The following NEGR1 variants were observed in gnomAD, a reference collection of about 807,000 sequenced individuals.
NEGR1 encodes IgLON family member 4.
In NEGR1, 10 loss-of-function variants were observed where a neutral mutation model predicts 40.9. The ratio of observed to expected loss-of-function variants is 0.24; its 90% confidence interval spans 0.15 to 0.42. The LOEUF (loss-of-function observed/expected upper bound fraction) is 0.42. NEGR1 is among the 10% of genes least tolerant of loss of function. NEGR1 has a pLI of 1.00. For missense variants in NEGR1, 352 were observed against 438.9 expected, an observed-to-expected ratio of 0.80 and a Z score of 1.77; for synonymous variants, 185 against 166.8, an observed-to-expected ratio of 1.11 and a Z score of -0.84.
At chr1:72,115,357 G>T (rs968417615) in intron 1 of NEGR1, among the ~76,000 whole-genome samples, 2 of 151,578 alleles carry the variant, frequency 1.3e-5, no homozygotes, top group African/African-American at 4.8e-5. Flanking sequence ...CTTTTATACT[G>T]GTGTTCAATA....
intron 1 of NEGR1, among the ~76,000 whole-genome samples, chr1:72,123,631 C>T (rs1014128689): frequency 2.6e-5 from 4 of 151,658 alleles, no homozygotes; most frequent in Admixed American, 1.3e-4. Context: ...TAGAAAAGCT[C>T]TGTGGGAGGA....
At chr1:72,267,049 A>T (rs908615642) in intron 1 of NEGR1, among the ~76,000 whole-genome samples, 4 of 151,030 alleles carry the variant, frequency 2.6e-5, no homozygotes, top group African/African-American at 9.7e-5. Flanking sequence ...TAATATTTCT[A>T]AAAATCTTAC....
chr1:71,853,275 C>T (rs189146593), intron 2 of NEGR1, among the ~76,000 whole-genome samples: 1 of 152,062 alleles, frequency 6.6e-6, no homozygotes, highest in Non-Finnish European at 1.5e-5. Flanking sequence ...TAATTTGCTA[C>T]AATTAAAAGG....
chr1:72,137,148 G>T (rs1036626854), intron 1 of NEGR1, among the ~76,000 whole-genome samples: 2 of 152,094 alleles, frequency 1.3e-5, no homozygotes, highest in Non-Finnish European at 2.9e-5. Context: ...ACTCATTATG[G>T]GAGTGTAAAT....
At chr1:72,031,855 G>A (rs1169904480) in intron 1 of NEGR1, among the ~76,000 whole-genome samples, 1 of 152,114 alleles carries the variant, frequency 6.6e-6, no homozygotes, top group Non-Finnish European at 1.5e-5. Flanking sequence ...GATACATTCT[G>A]TACCACTGGG....
At chr1:72,141,585 A>T (rs1033900156) in intron 1 of NEGR1, among the ~76,000 whole-genome samples, 1 of 152,060 alleles carries the variant, frequency 6.6e-6, no homozygotes, top group Admixed American at 6.6e-5. Context: ...TCATTTTAAC[A>T]AATCAGTGAC....
chr1:72,072,406 C>A lies in NEGR1; in HGVS notation c.177-137095G>T, dbSNP rs1392017139. On this transcript the variant is annotated intron_variant, in intron 1 of 6. Transcript: ENST00000357731. ...ATTTTTCTCATGCCGGGGGACAGCT[C>A]TTAAAATACTTATGCTAATAAAATA... Among the ~76,000 whole-genome samples, 3 of 151,988 alleles carry A rather than the reference C, an allele frequency of 2.0e-5. No individual in the cohort carries two copies. In the East Asian group the frequency reaches 5.8e-4, roughly 29 times the overall value.
At chr1:71,817,892 G>A (rs1046929919) in intron 2 of NEGR1, among the ~76,000 whole-genome samples, 2 of 152,002 alleles carry the variant, frequency 1.3e-5, no homozygotes, top group Non-Finnish European at 2.9e-5. Context: ...TTGAAATGCA[G>A]CTAGTTTAAC....
intron 3 of NEGR1, among the ~76,000 whole-genome samples, chr1:71,774,944 C>T (rs1375192624): frequency 6.6e-6 from 1 of 152,128 alleles, no homozygotes; most frequent in Non-Finnish European, 1.5e-5. Flanking sequence ...TACTGGAAAT[C>T]TATAAACATG....
chr1:71,675,398 G>A (rs1652593280), intron 4 of NEGR1, among the ~76,000 whole-genome samples: 1 of 151,062 alleles, frequency 6.6e-6, no homozygotes, highest in Non-Finnish European at 1.5e-5. Flanking sequence ...CAAGAAGAGA[G>A]AGAAAGGTAT....
intron 2 of NEGR1, among the ~76,000 whole-genome samples, chr1:71,843,697 T>A (rs1659316421): frequency 6.6e-6 from 1 of 152,134 alleles, no homozygotes; most frequent in Admixed American, 6.6e-5. Flanking sequence ...ATCAGTGAGA[T>A]CCAAAATGAA....
chr1:71,474,734 A>C lies in NEGR1; in HGVS notation c.941-67164T>G, dbSNP rs866178424. Among the ~76,000 whole-genome samples the C allele has an allele frequency of 2.5e-4, 37 of 148,212 alleles. 1 individual carries two copies. The highest frequency in any genetic ancestry group is 7.2e-4 in the African/African-American group (29 of 40,262). ...CTCTATCTCAAAAAAAAAAAAAAAA[A>C]AAAACAAAAAAACAAAACCAGAATA... On this transcript the variant is annotated intron_variant, in intron 6 of 6. Coordinates refer to ENST00000357731, the MANE Select transcript of NEGR1 (RefSeq NM_173808.3).
chr1:71,741,826 C>T (rs12088812), intron 3 of NEGR1, among the ~76,000 whole-genome samples: 4,037 of 152,242 alleles, frequency 0.027, 147 homozygotes, highest in African/African-American at 0.091. Flanking sequence ...AGATCAGACA[C>T]TTTACATGGC....
At chr1:71,600,006 A>C (rs1184840609) in intron 5 of NEGR1, among the ~76,000 whole-genome samples, 1 of 152,216 alleles carries the variant, frequency 6.6e-6, no homozygotes, top group Non-Finnish European at 1.5e-5. Flanking sequence ...ATATTACCCC[A>C]TAATATAACA....
At position 71,999,682 on chromosome 1, in the gene NEGR1, T is replaced by TATATATATATATATAC. The variant is rs1317765700; in HGVS notation, c.177-64372_177-64371insGTATATATATATATAT. ...ATATATATATATATATATATATACA[T>TATATATATATATATAC]ACATATTTTTGTCCGGTCTCGGAGC... On this transcript the variant is annotated intron_variant, in intron 1 of 6. Transcript: ENST00000357731. Among the ~76,000 whole-genome samples the TATATATATATATATAC allele has an allele frequency of 1.9e-4, 17 of 91,714 alleles. 2 individuals carry two copies. Among genetic ancestry groups the TATATATATATATATAC allele is most frequent in the African/African-American group, 2.6e-4 (6 of 23,152 alleles). The allele number at this position is 91,714 out of a possible 152,430, so 60.2% of individuals were successfully genotyped here.
At chr1:71,694,722 C>A (rs979311110) in intron 4 of NEGR1, among the ~76,000 whole-genome samples, 11 of 151,688 alleles carry the variant, frequency 7.3e-5, no homozygotes, top group African/African-American at 2.4e-4. Flanking sequence ...TTTCAGGGAA[C>A]CTAAATCTTC....
intron 2 of NEGR1, among the ~76,000 whole-genome samples, chr1:71,880,831 A>C (rs528898325): frequency 6.6e-6 from 1 of 152,120 alleles, no homozygotes; most frequent in Non-Finnish European, 1.5e-5. Context: ...ACTAGCCACA[A>C]TATGGAATAT....
chr1:71,776,977 A>G lies in NEGR1; in HGVS notation c.410-680T>C, dbSNP rs146621002. ...CTCATCCTTTGTTATGCCCTTTTGCACTGTAAATCCATAAGAGTCAAGGGG... is the reference window on the plus strand; with the variant it reads ...CTCATCCTTTGTTATGCCCTTTTGCGCTGTAAATCCATAAGAGTCAAGGGG... On this transcript the variant is annotated intron_variant, in intron 2 of 6. Coordinates refer to ENST00000357731, the MANE Select transcript of NEGR1 (RefSeq NM_173808.3). Among the ~76,000 whole-genome samples, 379 of 152,262 alleles carry G rather than the reference A, an allele frequency of 2.5e-3. 2 individuals are homozygous for G. Among genetic ancestry groups the G allele is most frequent in the African/African-American group, 8.8e-3 (364 of 41,572 alleles).
At chr1:71,827,777 G>C (rs777858316) in intron 2 of NEGR1, among the ~76,000 whole-genome samples, 10 of 151,438 alleles carry the variant, frequency 6.6e-5, no homozygotes, top group Non-Finnish European at 1.2e-4. Context: ...TAACTATACC[G>C]CGAGAGAGAC....
Sources: allele counts gnomAD v4.1 joint callset (sites outside exome capture counted in the v4.1 genomes callset), GRCh38; gene constraint gnomAD v4.1.1; transcripts MANE v1.5; gene names NCBI Gene and HGNC (gene_info 2026-07-23, HGNC 2026-07-21).